Variants in ADAMTS2 observed in about 807,000 individuals in gnomAD.
ADAMTS2 encodes the protein ADAM metallopeptidase with thrombospondin type 1 motif 2.
In ADAMTS2, 50 loss-of-function variants were observed where a neutral mutation model predicts 123.0. The ratio of observed to expected loss-of-function variants is 0.41; its 90% CI spans 0.32 to 0.51. The LOEUF is 0.51. ADAMTS2 is among the 20% of genes least tolerant of loss of function. ADAMTS2 has a pLI of 0.35. For missense variants in ADAMTS2, 1,494 were observed against 1,705.2 expected, an observed-to-expected ratio of 0.88 and a Z score of 2.18; for synonymous variants, 678 against 695.4, an observed-to-expected ratio of 0.98 and a Z score of 0.39.
chr5:179,199,561 A>G (rs539951422), intron 4 of ADAMTS2, among the ~76,000 whole-genome samples: 2 of 152,302 alleles, frequency 1.3e-5, no homozygotes, highest in South Asian at 4.2e-4. Flanking sequence ...TGGCCAGGGC[A>G]CAGCCAATGT....
intron 2 of ADAMTS2, among the ~76,000 whole-genome samples, chr5:179,289,740 T>C (rs930474094): frequency 6.6e-6 from 1 of 152,140 alleles, no homozygotes; most frequent in Non-Finnish European, 1.5e-5. Context: ...TCACTGACAA[T>C]AGGAGACAAC....
intron 4 of ADAMTS2, among the ~76,000 whole-genome samples, chr5:179,191,580 G>A (rs1764307577): frequency 6.6e-6 from 1 of 151,312 alleles, no homozygotes; most frequent in Non-Finnish European, 1.5e-5. Context: ...GGAGGAGAGA[G>A]CTGTGGCATC....
In ADAMTS2 at chr5:179,345,209, G is replaced by T. The variant is rs2127463847; in HGVS notation, c.120C>A (p.Ala40=). The T allele has an allele frequency of 8.9e-7, 1 of 1,117,872 alleles. No individual in the cohort carries two copies. The highest frequency in any genetic ancestry group is 1.1e-6 in the Non-Finnish European group (1 of 919,292). 69.2% of individuals were successfully genotyped at this position (1,117,872 alleles called of 1,614,324 possible). The change falls in exon 1 of 22, where the codon GCC becomes GCA. Residue 40 remains alanine (A), a synonymous_variant. Coordinates refer to ENST00000251582, the MANE Select transcript of ADAMTS2 (RefSeq NM_014244.5). This position sits in a 1 kb window ranked among gnomAD's most constrained non-coding sequence, Gnocchi z 7.5. ...ACCTACCTGGGGGGTCGGCGGCGGCGGCGAGCCTGGCGTTCGCGGGCGGCG... is the reference window on the plus strand; with the variant it reads ...ACCTACCTGGGGGGTCGGCGGCGGCTGCGAGCCTGGCGTTCGCGGGCGGCG... ...PPPPPANARL[A]AAADPPGGPL... is the part of the protein sequence containing the mutation.
At chr5:179,236,983 A>G (rs1242857751) in intron 3 of ADAMTS2, among the ~76,000 whole-genome samples, 1 of 152,192 alleles carries the variant, frequency 6.6e-6, no homozygotes, top group Non-Finnish European at 1.5e-5. Context: ...GGCCAGGTGC[A>G]GTGGCTTACA....
At chr5:179,133,032 T>A in intron 13 of ADAMTS2, 132 bp from the exon 14 acceptor site, 1 of 1,248,482 alleles carries the variant, frequency 8.0e-7, no homozygotes, top group Non-Finnish European at 1.1e-6. Context: ...GCATTGGGAT[T>A]ACAGGCGTGA....
At chr5:179,266,140 C>G (rs913595644) in intron 3 of ADAMTS2, among the ~76,000 whole-genome samples, 3 of 152,176 alleles carry the variant, frequency 2.0e-5, no homozygotes, top group African/African-American at 7.2e-5. Context: ...CAGGGCTCAC[C>G]CTGCAAATCC....
chr5:179,338,552 C>A (rs1178430288), intron 2 of ADAMTS2, among the ~76,000 whole-genome samples: 1 of 152,164 alleles, frequency 6.6e-6, no homozygotes. Context: ...CTGAGGGGAA[C>A]GCTGGAGTTC....
intron 4 of ADAMTS2, among the ~76,000 whole-genome samples, chr5:179,200,410 G>A (rs528653886): frequency 5.5e-4 from 83 of 151,864 alleles, no homozygotes; most frequent in African/African-American, 7.5e-4. Context: ...CACCACACTC[G>A]GCTTATTTTT....
intron 2 of ADAMTS2, among the ~76,000 whole-genome samples, chr5:179,278,510 A>T (rs1766805808): frequency 6.6e-6 from 1 of 152,176 alleles, no homozygotes; most frequent in African/African-American, 2.4e-5. Context: ...AATATTAAAG[A>T]AACTCCAGAA....
rs1766197034 is a variant in ADAMTS2 at position 179,260,782 on chromosome 5, G to T, written c.688+12129C>A. On this transcript the variant is annotated intron_variant, in intron 3 of 21. Coordinates refer to ENST00000251582, the MANE Select transcript of ADAMTS2 (RefSeq NM_014244.5). The surrounding 1 kb of genome is among the most constrained non-coding windows in gnomAD (Gnocchi z 4.2). ...CTAGGAGATGATGTACCTGCAGCGT[G>T]CTGGCAGACGCGGTCAACGGTAAGT... 6.6e-6 allele frequency among the ~76,000 whole-genome samples: 1 copy of T among 152,216 alleles called. No individual in the cohort carries two copies. The highest frequency in any genetic ancestry group is 2.4e-5 in the African/African-American group (1 of 41,462).
At chr5:179,273,778 C>T (rs538316646) in intron 2 of ADAMTS2, among the ~76,000 whole-genome samples, 3 of 152,190 alleles carry the variant, frequency 2.0e-5, no homozygotes, top group East Asian at 3.9e-4. Flanking sequence ...CCCTGACCCC[C>T]TAGGCCAGCC....
chr5:179,254,688 C>G (rs1452547682), intron 3 of ADAMTS2, among the ~76,000 whole-genome samples: 1 of 152,186 alleles, frequency 6.6e-6, no homozygotes, highest in African/African-American at 2.4e-5. Flanking sequence ...CCCTGAAGCC[C>G]ATAGCCCCCT....
At chr5:179,133,018 C>T in intron 13 of ADAMTS2, 118 bp from the exon 14 acceptor site, 12 of 1,395,572 alleles carry the variant, frequency 8.6e-6, no homozygotes, top group Non-Finnish European at 1.1e-5. Flanking sequence ...CTTGGCCTCC[C>T]AAAGCATTGG....
chr5:179,291,730 ATATTTATT>A (rs112260790), intron 2 of ADAMTS2, among the ~76,000 whole-genome samples: 22 of 151,424 alleles, frequency 1.5e-4, no homozygotes, highest in African/African-American at 4.1e-4. Flanking sequence ...GGTCCAAACG[ATATTTATT>A]TATTTATTTA....
At chr5:179,125,310 G>T in intron 18 of ADAMTS2, 130 bp from the exon 19 acceptor site, 2 of 764,762 alleles carry the variant, frequency 2.6e-6, no homozygotes, top group South Asian at 3.1e-5. Context: ...CCCCTCCCCG[G>T]TGCACCTTCT....
chr5:179,122,925 C>A lies in ADAMTS2; in HGVS notation c.2959-152G>T, dbSNP rs78084316. 1.5e-3 allele frequency: 1,816 copies of A among 1,213,084 alleles called. 17 individuals carry two copies. In the African/African-American group the frequency reaches 0.023, roughly 15 times the overall value. The allele number at this position is 1,213,084 out of a possible 1,614,324, so 75.1% of individuals were successfully genotyped here. On this transcript the variant is annotated intron_variant, in intron 19 of 21. Transcript: ENST00000251582. ...AGAGTGGGGTTTCAGGTTGCCTTGCCCCACCCTCGGGGGCAGCCCCAATCT... is the reference window on the plus strand; with the variant it reads ...AGAGTGGGGTTTCAGGTTGCCTTGCACCACCCTCGGGGGCAGCCCCAATCT...
rs1287347095 is a variant in ADAMTS2 at position 179,189,479 on chromosome 5, C to CT, written c.892-8325dup. 7.2e-6 allele frequency among the ~76,000 whole-genome samples: 1 copy of CT among 138,076 alleles called. No homozygotes were observed. The highest frequency in any genetic ancestry group is 1.5e-5 in the Non-Finnish European group (1 of 65,636). 90.6% of individuals were successfully genotyped at this position (138,076 alleles called of 152,430 possible). A position where few individuals can be genotyped will look rare whatever the true frequency, so the allele number is the denominator to read the frequency against. ...TCTCTTGCCTCAGCCTCCCGAGTAG[C>CT]TGGGGCTACAGGCGCCCGCCAGTGC... On this transcript the variant is annotated intron_variant, in intron 4 of 21. Coordinates refer to ENST00000251582, the MANE Select transcript of ADAMTS2 (RefSeq NM_014244.5). This position sits in a 1 kb window ranked among gnomAD's most constrained non-coding sequence, Gnocchi z 4.2.
intron 3 of ADAMTS2, among the ~76,000 whole-genome samples, chr5:179,223,611 T>C (rs920348683): frequency 2.1e-5 from 3 of 141,356 alleles, no homozygotes; most frequent in Non-Finnish European, 3.1e-5. Context: ...TGCACTCGCA[T>C]ACTCACATGC....
intron 5 of ADAMTS2, among the ~76,000 whole-genome samples, chr5:179,176,447 C>T (rs752093794): frequency 3.2e-4 from 48 of 152,192 alleles, no homozygotes; most frequent in Admixed American, 5.2e-4. Context: ...TCTAACTGCA[C>T]ATCTCAGCTG....
Sources: gnomAD v4.1 joint callset for allele counts (sites outside exome capture counted in the v4.1 genomes callset) on GRCh38, gnomAD v4.1.1 for gene constraint, Gnocchi (gnomAD v3.1) non-coding constraint, MANE v1.5 for transcripts, NCBI Gene and HGNC (gene_info 2026-07-23, HGNC 2026-07-21) for gene names.